Variants in GOLGA3 observed in about 807,000 individuals in gnomAD.
GOLGA3 encodes the protein golgin subfamily A member 3.
A neutral mutation model predicts 169.4 loss-of-function variants in GOLGA3; 75 were observed. The observed-to-expected ratio is 0.44, with a 90% confidence interval of 0.37 to 0.54. The LOEUF (loss-of-function observed/expected upper bound fraction) is 0.54. Among genes scored for constraint, GOLGA3 ranks in the 20% least tolerant of loss-of-function variants. The pLI, the probability that GOLGA3 is intolerant of heterozygous loss-of-function variation, is 0.00. For synonymous variants in GOLGA3, 824 were observed against 822.4 expected, an observed-to-expected ratio of 1.00 and a Z score of -0.03; for missense variants, 1,899 against 1,930.0, an observed-to-expected ratio of 0.98 and a Z score of 0.30.
intron 18 of GOLGA3, among the ~76,000 whole-genome samples, chr12:132,778,266 G>C (rs764170730): frequency 3.9e-5 from 6 of 152,050 alleles, no homozygotes; most frequent in Non-Finnish European, 7.4e-5. Flanking sequence ...GACAGAGTGA[G>C]ACCCGGTCCC....
At chr12:132,815,734 C>T (rs1949927505) in intron 3 of GOLGA3, among the ~76,000 whole-genome samples, 1 of 152,030 alleles carries the variant, frequency 6.6e-6, no homozygotes, top group African/African-American at 2.4e-5. Context: ...CGTTTCTACA[C>T]ACACAAAAAA....
chr12:132,795,071 T>C (rs960955091), intron 11 of GOLGA3, among the ~76,000 whole-genome samples: 1 of 150,234 alleles, frequency 6.7e-6, no homozygotes, highest in African/African-American at 2.5e-5. Flanking sequence ...CCTGTAGTCC[T>C]AGCTACTTGG....
chr12:132,814,479 G>A lies in GOLGA3; in HGVS notation c.407-1060C>T, dbSNP rs553186643. On this transcript the variant is annotated intron_variant, in intron 3 of 23. Transcript: ENST00000450791. ...GGAGAACCTGAAACGCCGGCACCGT[G>A]GAGTTACAGGCAGTACCCAGCCACA... is the stretch of plus-strand genomic sequence containing the variant. Among the ~76,000 whole-genome samples the A allele has an allele frequency of 3.2e-4, 49 of 152,346 alleles. 1 individual carries two copies. In the South Asian group the frequency reaches 5.8e-3, roughly 18 times the overall value.
Position 132,776,691 on chromosome 12 carries a change from C to T in GOLGA3, c.3921G>A (p.Leu1307=). 2 of 1,614,140 alleles carry T rather than the reference C, an allele frequency of 1.2e-6. No individual in the cohort carries two copies. Among genetic ancestry groups the T allele is most frequent in the Non-Finnish European group, 1.7e-6 (2 of 1,180,030 alleles). Residue 1307 remains leucine, a synonymous_variant, in exon 21 of 24, where the codon CTG becomes CTA. Coordinates refer to ENST00000450791, the MANE Select transcript of GOLGA3 (RefSeq NM_001389683.1). ...EREIQSLKQQ[L]DLTEQQGRKE... is the part of the protein sequence containing the mutation. Reference sequence around the variant, plus strand: ...TCCTGCCCTGCTGCTCCGTCAAGTCCAGCTGCTGCTTCAAGGACTGGATTT... The same window carrying T: ...TCCTGCCCTGCTGCTCCGTCAAGTCTAGCTGCTGCTTCAAGGACTGGATTT...
At chr12:132,798,294 C>T in intron 9 of GOLGA3, 46 bp downstream of exon 9, 1 of 1,555,608 alleles carries the variant, frequency 6.4e-7, no homozygotes, top group Non-Finnish European at 8.7e-7. Context: ...GTATCGATGT[C>T]TGCGTCTGTT....
chr12:132,795,185 C>CAAA (rs56353207), intron 11 of GOLGA3, among the ~76,000 whole-genome samples: 2 of 127,824 alleles, frequency 1.6e-5, no homozygotes, highest in African/African-American at 5.9e-5. Context: ...GACTCCATCT[C>CAAA]AAAAAAAAAA....
chr12:132,798,219 C>G (rs147574909), intron 9 of GOLGA3, 121 bp downstream of exon 9: 19 of 958,560 alleles, frequency 2.0e-5, no homozygotes, highest in Non-Finnish European at 2.5e-5. Context: ...AGTCACTGCC[C>G]GCCATCCATG....
At chr12:132,788,142 C>A (rs1267562863) in intron 13 of GOLGA3, among the ~76,000 whole-genome samples, 1 of 152,122 alleles carries the variant, frequency 6.6e-6, no homozygotes, top group Non-Finnish European at 1.5e-5. Flanking sequence ...CCCACCTCCC[C>A]ACCCCGGCAC....
chr12:132,782,263 C>T (rs761605507), intron 17 of GOLGA3, 33 bp downstream of exon 17: 27 of 1,559,296 alleles, frequency 1.7e-5, no homozygotes, highest in South Asian at 1.6e-4. Context: ...ACTCTCACAC[C>T]GTTGCTGGCG....
intron 21 of GOLGA3, among the ~76,000 whole-genome samples, chr12:132,775,628 C>A (rs2045185736): frequency 1.3e-5 from 2 of 152,328 alleles, no homozygotes; most frequent in South Asian, 4.1e-4. Context: ...GGGTCTCACT[C>A]TGTCATCCAG....
rs140646528 is a variant in GOLGA3 at position 132,777,085 on chromosome 12, C to T, written c.3728G>A (p.Arg1243Gln). The change falls in exon 20 of 24, where the codon CGG becomes CAG. Residue 1243 changes from arginine to glutamine, a missense_variant. Arg to Gln is a conservative substitution (Grantham distance 43). Coordinates refer to ENST00000450791, the MANE Select transcript of GOLGA3 (RefSeq NM_001389683.1). The surrounding 1 kb of genome is among the most constrained non-coding windows in gnomAD (Gnocchi z 4.7). Reference sequence around the variant, plus strand: ...TATCTCCTGGGAATGTTTCCCCTCCCGAATCCTAGCGTAAAAAAACAAGAA... The same window carrying T: ...TATCTCCTGGGAATGTTTCCCCTCCTGAATCCTAGCGTAAAAAAACAAGAA... The part of the protein sequence containing the change: ...LQAEADDLQI[R>Q]EGKHSQEIAQ... 3,136 of 1,583,714 alleles carry T rather than the reference C, an allele frequency of 2.0e-3. 59 individuals carry two copies. The African/African-American group carries it at 0.038, about 19-fold the overall frequency.
chr12:132,822,406 CAAGA>C, intron 1 of GOLGA3, 95 bp from the exon 2 acceptor site: 2 of 659,432 alleles, frequency 3.0e-6, no homozygotes, highest in Middle Eastern at 4.2e-4. Context: ...TGCATACGTA[CAAGA>C]AACAAATACA....
At chr12:132,774,823 G>A (rs1337166304) in intron 22 of GOLGA3, 1 of 481,940 alleles carries the variant, frequency 2.1e-6, no homozygotes, top group Non-Finnish European at 3.6e-6. Context: ...CCGGGCGCCT[G>A]GGCACAGCTC....
chr12:132,790,143 A>G (rs374273175), intron 12 of GOLGA3, among the ~76,000 whole-genome samples: 1 of 151,994 alleles, frequency 6.6e-6, no homozygotes, highest in Admixed American at 6.6e-5. Context: ...CATCCTGGCT[A>G]ACACGGTGAA....
Position 132,782,449 on chromosome 12 carries a change from C to T in GOLGA3, c.3312G>A (p.Glu1104=). The change falls in exon 17 of 24, where the codon GAG becomes GAA. Residue 1104 remains glutamate (E), a synonymous_variant. Transcript: ENST00000450791. ...RGFRKKIKRL[E]ESNKKLALEL... Reference sequence around the variant, plus strand: ...CAAGAGCCAACTTCTTGTTTGACTCCTCAAGGCGTTTTATCTTCTTCCTAA... The same window carrying T: ...CAAGAGCCAACTTCTTGTTTGACTCTTCAAGGCGTTTTATCTTCTTCCTAA... 1.9e-6 allele frequency: 3 copies of T among 1,614,162 alleles called. No homozygotes were observed. The highest frequency in any genetic ancestry group is 2.5e-6 in the Non-Finnish European group (3 of 1,179,958).
At chr12:132,805,225 G>A (rs1199196077) in intron 6 of GOLGA3, among the ~76,000 whole-genome samples, 1 of 124,196 alleles carries the variant, frequency 8.1e-6, no homozygotes, top group African/African-American at 3.2e-5. Flanking sequence ...AGACCCCCAG[G>A]CGCTCTCCCA....
Position 132,804,665 on chromosome 12 carries a change from A to C in GOLGA3, c.1597+51T>G. ...GGGGCCAGTCGAGGAAGGAGGAGGG[A>C]GCAGCAGGGACCAGTCAGGGAGGGG... is the stretch of plus-strand genomic sequence containing the variant. On this transcript the variant is annotated intron_variant, in intron 7 of 23. Transcript: ENST00000450791. The surrounding 1 kb of genome is among the most constrained non-coding windows in gnomAD (Gnocchi z 4.1). The C allele has an allele frequency of 6.9e-7, 1 of 1,451,236 alleles. No individual in the cohort carries two copies. The highest frequency in any genetic ancestry group is 9.5e-7 in the Non-Finnish European group (1 of 1,049,546). The allele number at this position is 1,451,236 out of a possible 1,614,324, so 89.9% of individuals were successfully genotyped here. A position where few individuals can be genotyped will look rare whatever the true frequency, so the allele number is the denominator to read the frequency against.
rs112239823 is a variant in GOLGA3, at chr12:132,772,739, C to T, written c.*366G>A. The T allele has an allele frequency of 0.088, 16,203 of 184,254 alleles. 732 individuals are homozygous for T. Among genetic ancestry groups the T allele is most frequent in the Non-Finnish European group, 0.098 (8,663 of 88,820 alleles). 11.4% of individuals were successfully genotyped at this position (184,254 alleles called of 1,614,324 possible). A position where few individuals can be genotyped will look rare whatever the true frequency, so the allele number is the denominator to read the frequency against. On this transcript the variant is annotated 3_prime_UTR_variant, in exon 24 of 24. Transcript: ENST00000450791. Reference sequence around the variant, plus strand: ...AAACTGCAGCCGGCCTGGCCAGGCGCGGTGCCGCAGACCCTGTCACACAGC... The same window carrying T: ...AAACTGCAGCCGGCCTGGCCAGGCGTGGTGCCGCAGACCCTGTCACACAGC...
At chr12:132,809,095 G>C (rs1057407213) in intron 4 of GOLGA3, among the ~76,000 whole-genome samples, 1 of 152,220 alleles carries the variant, frequency 6.6e-6, no homozygotes, top group African/African-American at 2.4e-5. Context: ...GGTCACGTGG[G>C]TCACGTGTCC....
Sources: allele counts gnomAD v4.1 joint callset (sites outside exome capture counted in the v4.1 genomes callset), GRCh38; gene constraint gnomAD v4.1.1; non-coding constraint Gnocchi (gnomAD v3.1); transcripts MANE v1.5; gene names NCBI Gene and HGNC (gene_info 2026-07-23, HGNC 2026-07-21).